MYO16: variants seen among roughly 807,000 people sequenced by gnomAD.
The protein encoded by MYO16 is unconventional myosin-XVI.
In MYO16, 94 loss-of-function variants were observed where a neutral mutation model predicts 205.3. That is an observed-to-expected ratio of 0.46 (90% CI 0.39 to 0.54). MYO16 has a LOEUF of 0.54. Ranked by LOEUF, MYO16 falls within the 20% of genes least tolerant of loss-of-function variation. The probability of loss-of-function intolerance (pLI) is 0.00; values close to 1 mark genes in which losing one functional copy is unlikely to be tolerated. For missense variants in MYO16, 2,315 were observed against 2,387.5 expected, an observed-to-expected ratio of 0.97 and a Z score of 0.63; for synonymous variants, 988 against 954.0, an observed-to-expected ratio of 1.04 and a Z score of -0.66.
intron 33 of MYO16, among the ~76,000 whole-genome samples, chr13:109,174,871 C>T (rs1306685655): frequency 6.6e-6 from 1 of 151,564 alleles, no homozygotes; most frequent in Non-Finnish European, 1.5e-5. Flanking sequence ...TCAGCCTCAG[C>T]CTCCCGAGTA....
intron 16 of MYO16, among the ~76,000 whole-genome samples, chr13:108,927,372 G>C (rs561446656): frequency 6.6e-6 from 1 of 152,152 alleles, no homozygotes; most frequent in East Asian, 1.9e-4. Flanking sequence ...TACCTCTGAG[G>C]CCTTTGACTT....
intron 7 of MYO16, among the ~76,000 whole-genome samples, chr13:108,808,350 T>C (rs370409664): frequency 6.6e-6 from 1 of 152,070 alleles, no homozygotes; most frequent in Non-Finnish European, 1.5e-5. Flanking sequence ...TCTTTTTTTT[T>C]GCCCAGGCTA....
At chr13:108,578,964 A>G in the MYO16 span, among the ~76,000 whole-genome samples, 1 of 151,136 alleles carries the variant, frequency 6.6e-6, no homozygotes, top group Admixed American at 6.6e-5. Context: ...ATATACAGTT[A>G]TATGCGAGCG....
intron 27 of MYO16, among the ~76,000 whole-genome samples, chr13:109,082,023 G>T (rs1888295579): frequency 6.6e-6 from 1 of 152,180 alleles, no homozygotes; most frequent in African/African-American, 2.4e-5. Context: ...TTGCAATACA[G>T]ACTGTAGGCC....
chr13:108,556,321 A>G, the MYO16 span, among the ~76,000 whole-genome samples: 2 of 152,164 alleles, frequency 1.3e-5, no homozygotes, highest in East Asian at 3.8e-4. Context: ...TTTGGCTAAT[A>G]GCCATTTTAA....
intron 8 of MYO16, among the ~76,000 whole-genome samples, chr13:108,821,223 A>C (rs432568): frequency 0.047 from 7,162 of 152,140 alleles, 551 homozygotes; most frequent in African/African-American, 0.16. Flanking sequence ...TTGTCATTTG[A>C]TATACTTTCA....
the MYO16 span, among the ~76,000 whole-genome samples, chr13:108,565,959 C>T: frequency 6.7e-6 from 1 of 149,978 alleles, no homozygotes; most frequent in East Asian, 1.9e-4. Flanking sequence ...ATTTTTGCAT[C>T]AATATTTGTC....
rs78436004 is a variant in MYO16, at chr13:108,653,043, A to G, written c.29-12843A>G. 2.5e-3 allele frequency among the ~76,000 whole-genome samples: 375 copies of G among 152,224 alleles called. 1 individual carries two copies. Among genetic ancestry groups the G allele is most frequent in the African/African-American group, 8.5e-3 (352 of 41,554 alleles). On this transcript the variant is annotated intron_variant, in intron 1 of 34. Transcript: ENST00000457511. Reference sequence around the variant, plus strand: ...TTACAATTTCTCTACATCCTCACCAATGCTTTGTATTTTCTGTTTCTTTGA... The same window carrying G: ...TTACAATTTCTCTACATCCTCACCAGTGCTTTGTATTTTCTGTTTCTTTGA...
intron 12 of MYO16, among the ~76,000 whole-genome samples, chr13:108,881,982 G>A (rs1436923429): frequency 6.6e-6 from 1 of 152,136 alleles, no homozygotes; most frequent in Non-Finnish European, 1.5e-5. Flanking sequence ...GCAACTCCAA[G>A]ACACATAATT....
chr13:108,816,065 A>G (rs965279693), intron 7 of MYO16, among the ~76,000 whole-genome samples: 1 of 152,182 alleles, frequency 6.6e-6, no homozygotes, highest in Admixed American at 6.5e-5. Flanking sequence ...GGTCTTCTCC[A>G]AAAATGTTGC....
chr13:108,974,957 A>G (rs1884198335), intron 20 of MYO16, among the ~76,000 whole-genome samples: 1 of 152,188 alleles, frequency 6.6e-6, no homozygotes, highest in Non-Finnish European at 1.5e-5. Context: ...TTACATCTAT[A>G]CTATTTGTAC....
At chr13:109,004,666 CAT>C (rs1328738116) in intron 21 of MYO16, among the ~76,000 whole-genome samples, 2 of 152,038 alleles carry the variant, frequency 1.3e-5, no homozygotes, top group Non-Finnish European at 2.9e-5. Context: ...ATAAGATAAA[CAT>C]AGAAACTGAT....
At chr13:108,743,687 T>A (rs1358834006) in intron 4 of MYO16, among the ~76,000 whole-genome samples, 1 of 152,202 alleles carries the variant, frequency 6.6e-6, no homozygotes, top group African/African-American at 2.4e-5. Context: ...TACGGTGGAG[T>A]GTGCCCTGTT....
chr13:108,792,892 A>C (rs913249314), intron 5 of MYO16, among the ~76,000 whole-genome samples: 1 of 152,140 alleles, frequency 6.6e-6, no homozygotes, highest in African/African-American at 2.4e-5. Flanking sequence ...AGAGATCAAA[A>C]ACTGTATCTT....
chr13:108,684,614 G>T (rs1197625910), intron 2 of MYO16, among the ~76,000 whole-genome samples: 1 of 152,126 alleles, frequency 6.6e-6, no homozygotes, highest in Non-Finnish European at 1.5e-5. Context: ...GTTCTAATAA[G>T]GGAGCCCCTG....
At chr13:109,090,181 C>T (rs1038426276) in intron 27 of MYO16, among the ~76,000 whole-genome samples, 3 of 152,156 alleles carry the variant, frequency 2.0e-5, no homozygotes, top group African/African-American at 4.8e-5. Context: ...AGTGATAATG[C>T]GAAGACTTCT....
In MYO16 at chr13:108,952,752, A is replaced by G. The variant is rs567620860; in HGVS notation, c.1926-4936A>G. On this transcript the variant is annotated intron_variant, in intron 16 of 34. Coordinates refer to ENST00000457511, the MANE Select transcript of MYO16 (RefSeq NM_001198950.3). ...CTCTCTGAAATTTCTGACTCTGCAC[A>G]TGGAGATATCTAGATACTGCCAGTG... Among the ~76,000 whole-genome samples, 7 of 152,360 alleles carry G rather than the reference A, an allele frequency of 4.6e-5. No individual in the cohort carries two copies. The East Asian group carries it at 7.7e-4, about 17-fold the overall frequency.
chr13:108,573,932 C>T, the MYO16 span, among the ~76,000 whole-genome samples: 1 of 152,096 alleles, frequency 6.6e-6, no homozygotes, highest in Non-Finnish European at 1.5e-5. Context: ...CTCACTGTAG[C>T]CTGGACCTCC....
intron 8 of MYO16, among the ~76,000 whole-genome samples, chr13:108,821,409 T>C (rs935595755): frequency 6.6e-6 from 1 of 152,224 alleles, no homozygotes; most frequent in African/African-American, 2.4e-5. Context: ...AACTTGAGAA[T>C]CAAGCTAATA....
Sources: allele counts gnomAD v4.1 joint callset (sites outside exome capture counted in the v4.1 genomes callset), GRCh38; gene constraint gnomAD v4.1.1; transcripts MANE v1.5; gene names NCBI Gene and HGNC (gene_info 2026-07-23, HGNC 2026-07-21).